The following DOP1B variants were observed in gnomAD, a reference collection of about 807,000 sequenced individuals.
DOP1B encodes the protein protein DOP1B.
DOP1B carries 174 observed loss-of-function variants against 233.5 expected under a neutral mutation model. The observed-to-expected ratio is 0.75, with a 90% CI of 0.66 to 0.85. The LOEUF (loss-of-function observed/expected upper bound fraction) is 0.85. Among genes scored for constraint, DOP1B ranks in the 40% least tolerant of loss-of-function variants. The pLI is 0.00. For synonymous variants in DOP1B, 1,190 were observed against 1,185.6 expected (o/e 1.00, Z -0.08); for missense variants, 2,652 against 2,846.6 (o/e 0.93, Z 1.56).
chr21:36,182,573 T>C (rs1163802209), intron 2 of DOP1B, among the ~76,000 whole-genome samples: 1 of 152,066 alleles, frequency 6.6e-6, no homozygotes, highest in South Asian at 2.1e-4. Context: ...CTGGTTCACA[T>C]CTATAATCCC....
intron 4 of DOP1B, among the ~76,000 whole-genome samples, chr21:36,208,124 G>A (rs2066449755): frequency 6.6e-6 from 1 of 152,256 alleles, no homozygotes. Flanking sequence ...TGCAGGTGCT[G>A]TGGGCAGACT....
rs1055183994 is a variant in DOP1B, at chr21:36,254,051, G to A, written c.5259+142G>A. 5.3e-6 allele frequency: 6 copies of A among 1,142,428 alleles called. No individual in the cohort carries two copies. The African/African-American group carries it at 9.4e-5, about 18-fold the overall frequency. 70.8% of individuals were successfully genotyped at this position (1,142,428 alleles called of 1,614,324 possible). A position where few individuals can be genotyped will look rare whatever the true frequency, so the allele number is the denominator to read the frequency against. On this transcript the variant is annotated intron_variant, in intron 23 of 36. Transcript: ENST00000691173. ...GAATGCTTGGGGTAGTGAAGTGGAG[G>A]TGCTGTTTGCTGTGCTTTGGGGGAG...
chr21:36,276,761 A>C (rs1181259852), intron 27 of DOP1B, among the ~76,000 whole-genome samples: 1 of 151,210 alleles, frequency 6.6e-6, no homozygotes, highest in Non-Finnish European at 1.5e-5. Flanking sequence ...GAATTGCTTA[A>C]ACCTGGGAGG....
At chr21:36,272,336 C>T (rs113969338) in intron 27 of DOP1B, among the ~76,000 whole-genome samples, 2,265 of 151,990 alleles carry the variant, frequency 0.015, 51 homozygotes, top group African/African-American at 0.05. Context: ...AATCCCAACA[C>T]TTTGGGATAT....
intron 36 of DOP1B, 23 bp downstream of exon 36, chr21:36,292,256 C>CTTTTTTTTTTTTTTTT: frequency 2.2e-6 from 3 of 1,334,838 alleles, no homozygotes; most frequent in Non-Finnish European, 2.0e-6. Flanking sequence ...CTTTTCTTTT[C>CTTTTTTTTTTTTTTTT]TTTTTTTTTT....
At position 36,289,083 on chromosome 21, in the gene DOP1B, C is replaced by A. The variant is rs771112644; in HGVS notation, c.6392C>A (p.Pro2131Gln). Residue 2131 changes from proline (P) to glutamine (Q), a missense_variant, in exon 35 of 37, where the codon CCG (proline) becomes CAG (glutamine). By Grantham distance (76) the Pro-to-Gln change is moderately conservative. Transcript: ENST00000691173. ...NKVNRTKVSV[P>Q]DANGPSVGEI... ...GTAAACAGAACGAAAGTTTCAGTCC[C>A]GGATGCAAATGGACCCTCAGTGGGG... 6.2e-7 allele frequency: 1 copy of A among 1,612,790 alleles called. No individual in the cohort carries two copies. Among genetic ancestry groups the A allele is most frequent in the Non-Finnish European group, 8.5e-7 (1 of 1,179,802 alleles).
intron 2 of DOP1B, among the ~76,000 whole-genome samples, chr21:36,173,220 G>A (rs1301637298): frequency 6.6e-6 from 1 of 152,044 alleles, no homozygotes; most frequent in African/African-American, 2.4e-5. Context: ...TTTTTTTAAG[G>A]TAGGTAACTA....
Position 36,212,078 on chromosome 21 carries a change from A to C in DOP1B, c.885A>C (p.Arg295Ser). The C allele has an allele frequency of 1.9e-6, 3 of 1,611,968 alleles. No individual in the cohort carries two copies. Among genetic ancestry groups the C allele is most frequent in the Non-Finnish European group, 2.5e-6 (3 of 1,179,364 alleles). ...LLRRDMSLNR[R>S]LYAWLLGSDI... ...GAAGGGACATGTCCCTGAACAGAAGACTGTATGCATGGTTACTAGGTACTG... is the reference window on the plus strand; with the variant it reads ...GAAGGGACATGTCCCTGAACAGAAGCCTGTATGCATGGTTACTAGGTACTG... Residue 295 changes from arginine to serine, a missense_variant, in exon 7 of 37, where the codon AGA (arginine) becomes AGC (serine). Around this residue, in one of 3 missense-constraint regions of DOP1B, gnomAD observed 2,617 missense variants for 2,794.3 expected, o/e 0.94. Transcript: ENST00000691173.
intron 24 of DOP1B, chr21:36,260,996 C>A: frequency 8.3e-7 from 1 of 1,201,260 alleles, no homozygotes; most frequent in Non-Finnish European, 1.0e-6. Flanking sequence ...CTTTAAAAGG[C>A]TTGGATTTGC....
chr21:36,263,965 T>C, intron 26 of DOP1B, 151 bp downstream of exon 26: 1 of 845,890 alleles, frequency 1.2e-6, no homozygotes, highest in East Asian at 2.6e-5. Context: ...CTGCCATCAC[T>C]GTCTCTAGAG....
At chr21:36,290,951 C>T (rs1477708606) in intron 35 of DOP1B, among the ~76,000 whole-genome samples, 1 of 146,474 alleles carries the variant, frequency 6.8e-6, no homozygotes, top group African/African-American at 2.5e-5. Context: ...GCCTAGGCAA[C>T]AGAGCGAGAC....
rs763738897 is a variant in DOP1B at position 36,212,004 on chromosome 21, A to C, written c.811A>C (p.Arg271=). 1.9e-6 allele frequency: 3 copies of C among 1,614,090 alleles called. No homozygotes were observed. The highest frequency in any genetic ancestry group is 2.2e-5 in the South Asian group (2 of 91,076). Residue 271 remains arginine (R), a synonymous_variant, in exon 7 of 37, where the codon AGA becomes CGA. Transcript: ENST00000691173. Reference sequence around the variant, plus strand: ...CAATGAGAGAGCCATCCCCCTCCTCAGATCTGACATCGTGCGCATTCTCTC... The same window carrying C: ...CAATGAGAGAGCCATCCCCCTCCTCCGATCTGACATCGTGCGCATTCTCTC... ...DSNERAIPLL[R]SDIVRILSAA...
chr21:36,226,536 C>T (rs1034106201), intron 12 of DOP1B, among the ~76,000 whole-genome samples: 10 of 151,948 alleles, frequency 6.6e-5, no homozygotes, highest in East Asian at 1.9e-4. Flanking sequence ...TGACCTCAGG[C>T]GATCCACCAG....
chr21:36,261,901 ACT>A (rs2067176144), intron 24 of DOP1B: 9 of 914,746 alleles, frequency 9.8e-6, no homozygotes, highest in Non-Finnish European at 1.2e-5. Context: ...ACAGAATGAG[ACT>A]CTATCTCAAA....
intron 2 of DOP1B, among the ~76,000 whole-genome samples, chr21:36,182,444 C>T (rs530535849): frequency 5.9e-5 from 9 of 152,138 alleles, no homozygotes; most frequent in Non-Finnish European, 8.8e-5. Flanking sequence ...TGAGATATGG[C>T]GGGAAGGCTG....
rs2067308221 is a variant in DOP1B at position 36,273,053 on chromosome 21, G to A, written c.5632+2896G>A. Reference sequence around the variant, plus strand: ...GGAGGCAGAGGTTGCAGTGAGTCGAGATGGCGTCACTGCACTCCAGCCTGG... The same window carrying A: ...GGAGGCAGAGGTTGCAGTGAGTCGAAATGGCGTCACTGCACTCCAGCCTGG... On this transcript the variant is annotated intron_variant, in intron 27 of 36. Coordinates refer to ENST00000691173, the MANE Select transcript of DOP1B (RefSeq NM_001320714.2). Among the ~76,000 whole-genome samples the A allele has an allele frequency of 1.3e-5, 2 of 149,772 alleles. 1 individual carries two copies. Among genetic ancestry groups the A allele is most frequent in the South Asian group, 4.2e-4 (2 of 4,758 alleles).
intron 2 of DOP1B, among the ~76,000 whole-genome samples, chr21:36,179,863 G>A (rs964254618): frequency 1.3e-5 from 2 of 152,056 alleles, no homozygotes; most frequent in Non-Finnish European, 2.9e-5. Flanking sequence ...ACATCTTTAC[G>A]CACGTGGCTA....
In DOP1B at chr21:36,247,535, A is replaced by G; in HGVS notation, c.4716A>G (p.Glu1572=). ...ACCACAGCACAACCTCCAAGAGGGAAAACATTTCTCCAGATTATCCACTCA... is the reference window on the plus strand; with the variant it reads ...ACCACAGCACAACCTCCAAGAGGGAGAACATTTCTCCAGATTATCCACTCA... ...KLSVSTTSKR[E]NISPDYPLTL... is the part of the protein sequence containing the mutation. The change falls in exon 20 of 37, where the codon GAA becomes GAG. Residue 1572 remains glutamate (E), a synonymous_variant. Transcript: ENST00000691173. 3 of 1,605,446 alleles carry G rather than the reference A, an allele frequency of 1.9e-6. No homozygotes were observed. Among genetic ancestry groups the G allele is most frequent in the Non-Finnish European group, 2.5e-6 (3 of 1,177,776 alleles).
intron 26 of DOP1B, among the ~76,000 whole-genome samples, chr21:36,269,185 C>T (rs539634974): frequency 6.6e-6 from 1 of 152,056 alleles, no homozygotes; most frequent in Admixed American, 6.6e-5. Flanking sequence ...GACGAAGTTT[C>T]GCTCCTGTTG....
Sources: allele counts gnomAD v4.1 joint callset (sites outside exome capture counted in the v4.1 genomes callset), GRCh38; gene constraint gnomAD v4.1.1; regional missense constraint gnomAD v4.1.1; transcripts MANE v1.5; gene names NCBI Gene and HGNC (gene_info 2026-07-23, HGNC 2026-07-21).